THSD7B: variants seen among roughly 807,000 people sequenced by gnomAD.
THSD7B encodes thrombospondin type 1 domain containing 7B.
In THSD7B, 138 loss-of-function variants were observed where a neutral mutation model predicts 213.6. The observed-to-expected ratio is 0.65, with a 90% CI of 0.56 to 0.74. THSD7B has a LOEUF of 0.74. Among genes scored for constraint, THSD7B ranks in the 30% least tolerant of loss-of-function variants. The pLI, the probability that THSD7B is intolerant of heterozygous loss-of-function variation, is 0.00. For synonymous variants in THSD7B, 742 were observed against 687.0 expected, an observed-to-expected ratio of 1.08 and a Z score of -1.25; for missense variants, 1,931 against 1,991.5, an observed-to-expected ratio of 0.97 and a Z score of 0.58.
intron 3 of THSD7B, among the ~76,000 whole-genome samples, chr2:137,089,347 CAT>C (rs759558748): frequency 2.4e-4 from 30 of 124,084 alleles, no homozygotes; most frequent in Non-Finnish European, 3.7e-4. Context: ...TGTATATATA[CAT>C]ATATGTGTGT....
At chr2:136,890,200 G>A (rs1027566284) in intron 2 of THSD7B, among the ~76,000 whole-genome samples, 5 of 151,638 alleles carry the variant, frequency 3.3e-5, no homozygotes, top group Admixed American at 2.6e-4. Flanking sequence ...CTGAAATTTC[G>A]TGATTATATG....
chr2:137,411,922 G>A (rs764287482), intron 14 of THSD7B, 50 bp downstream of exon 14: 6 of 1,593,552 alleles, frequency 3.8e-6, no homozygotes, highest in East Asian at 2.3e-5. Flanking sequence ...CACACAGCTC[G>A]GGAGGTTTGT....
chr2:137,393,360 T>C (rs13021974), intron 12 of THSD7B, among the ~76,000 whole-genome samples: 83,950 of 149,600 alleles, frequency 0.56, 26,716 homozygotes, highest in East Asian at 0.77. Flanking sequence ...CCTTCCTATG[T>C]CCATGTGATC....
At chr2:137,363,905 C>T (rs983954046) in intron 12 of THSD7B, among the ~76,000 whole-genome samples, 2 of 152,158 alleles carry the variant, frequency 1.3e-5, no homozygotes, top group African/African-American at 2.4e-5. Context: ...CCAACATCAT[C>T]CTGATACCAA....
intron 3 of THSD7B, among the ~76,000 whole-genome samples, chr2:137,083,079 T>C (rs183913111): frequency 1.7e-3 from 258 of 152,212 alleles, no homozygotes; most frequent in African/African-American, 6.0e-3. Flanking sequence ...TATTACCTTT[T>C]GAAAAGTTTA....
chr2:137,611,062 A>C (rs1338743293), intron 17 of THSD7B, among the ~76,000 whole-genome samples: 1 of 151,082 alleles, frequency 6.6e-6, no homozygotes, highest in Non-Finnish European at 1.5e-5. Flanking sequence ...AACGCACAAA[A>C]AAAAGACAAG....
At chr2:137,440,832 TG>T (rs1245230358) in intron 14 of THSD7B, among the ~76,000 whole-genome samples, 1 of 152,210 alleles carries the variant, frequency 6.6e-6, no homozygotes, top group East Asian at 1.9e-4. Flanking sequence ...TTAGGAACCC[TG>T]GGAGATAAAG....
chr2:136,882,185 C>T lies in THSD7B; in HGVS notation c.7C>T (p.Pro3Ser). 6.6e-7 allele frequency: 1 copy of T among 1,508,260 alleles called. No individual in the cohort carries two copies. Among genetic ancestry groups the T allele is most frequent in the Non-Finnish European group, 8.9e-7 (1 of 1,129,258 alleles). 93.4% of individuals were successfully genotyped at this position (1,508,260 alleles called of 1,614,324 possible). A position where few individuals can be genotyped will look rare whatever the true frequency, so the allele number is the denominator to read the frequency against. ...AGGCTGAAAAATCTGAAGCATGTTT[C>T]CAAAGAGCAACCTAACAGTCACTTG... MF[P>S]KSNLTVTCWV... Residue 3 changes from proline (P) to serine (S), a missense_variant, in exon 2 of 28, where the codon CCA becomes TCA. Coordinates refer to ENST00000409968, the MANE Select transcript of THSD7B (RefSeq NM_001316349.2).
chr2:137,635,307 T>A (rs1460830404), intron 20 of THSD7B, among the ~76,000 whole-genome samples: 1 of 152,168 alleles, frequency 6.6e-6, no homozygotes, highest in African/African-American at 2.4e-5. Flanking sequence ...TGAATTTAGT[T>A]CCCAATTGAT....
chr2:137,038,526 C>T (rs1008740445), intron 2 of THSD7B, among the ~76,000 whole-genome samples: 6 of 152,112 alleles, frequency 3.9e-5, no homozygotes, highest in South Asian at 2.1e-4. Flanking sequence ...TTAGACTAGA[C>T]GGAACAGCTG....
intron 15 of THSD7B, among the ~76,000 whole-genome samples, chr2:137,480,864 G>A (rs568632881): frequency 3.3e-5 from 5 of 152,352 alleles, no homozygotes; most frequent in Middle Eastern, 3.4e-3. Flanking sequence ...GAAGCACGAA[G>A]TGCTATGTAC....
intron 14 of THSD7B, among the ~76,000 whole-genome samples, chr2:137,425,080 T>A (rs986601828): frequency 1.4e-5 from 1 of 70,262 alleles, no homozygotes; most frequent in African/African-American, 3.9e-5. Flanking sequence ...TCAAAAATAA[T>A]AATAATAATA....
intron 3 of THSD7B, among the ~76,000 whole-genome samples, chr2:137,068,020 C>T (rs946758853): frequency 6.6e-6 from 1 of 152,056 alleles, no homozygotes; most frequent in Non-Finnish European, 1.5e-5. Flanking sequence ...AGTTTTTCTA[C>T]TCTGGTCCTG....
At chr2:137,346,377 CG>C (rs1558765259) in intron 12 of THSD7B, among the ~76,000 whole-genome samples, 1 of 151,368 alleles carries the variant, frequency 6.6e-6, no homozygotes, top group East Asian at 1.9e-4. Context: ...GCATGATGTC[CG>C]CCAGGTTCAT....
chr2:137,474,419 G>A (rs1220731850), intron 15 of THSD7B, among the ~76,000 whole-genome samples: 1 of 152,014 alleles, frequency 6.6e-6, no homozygotes, highest in African/African-American at 2.4e-5. Context: ...CTTTACCAGT[G>A]GCACTTTCTA....
At chr2:137,022,900 A>G (rs1365562891) in intron 2 of THSD7B, among the ~76,000 whole-genome samples, 1 of 152,196 alleles carries the variant, frequency 6.6e-6, no homozygotes, top group Non-Finnish European at 1.5e-5. Context: ...TATAGATAAT[A>G]CAATATTTAA....
At chr2:137,130,876 T>C (rs1446227904) in intron 5 of THSD7B, among the ~76,000 whole-genome samples, 1 of 148,950 alleles carries the variant, frequency 6.7e-6, no homozygotes, top group East Asian at 2.0e-4. Context: ...TGATTTATAG[T>C]CCTTTGGGTA....
chr2:137,576,424 T>G (rs1433377259), intron 17 of THSD7B, among the ~76,000 whole-genome samples: 1 of 152,092 alleles, frequency 6.6e-6, no homozygotes, highest in Admixed American at 6.6e-5. Flanking sequence ...TAGTGGGAAT[T>G]AGAGGCTCAT....
chr2:137,041,595 A>G (rs1686882580), intron 2 of THSD7B, among the ~76,000 whole-genome samples: 1 of 150,136 alleles, frequency 6.7e-6, no homozygotes, highest in Non-Finnish European at 1.5e-5. Context: ...CGTACGTAAG[A>G]AACAGAATTG....
Sources: allele counts gnomAD v4.1 joint callset (sites outside exome capture counted in the v4.1 genomes callset), GRCh38; gene constraint gnomAD v4.1.1; transcripts MANE v1.5; gene names NCBI Gene and HGNC (gene_info 2026-07-23, HGNC 2026-07-21).